DPY19L3: variants seen among roughly 807,000 people sequenced by gnomAD.
The protein encoded by DPY19L3 is protein C-mannosyl-transferase DPY19L3.
A neutral mutation model predicts 92.3 loss-of-function variants in DPY19L3; 51 were observed. The observed-to-expected ratio is 0.55, with a 90% CI of 0.44 to 0.70. The LOEUF is 0.70. Ranked by LOEUF, DPY19L3 falls within the 30% of genes least tolerant of loss-of-function variation. The pLI, the probability that DPY19L3 is intolerant of heterozygous loss-of-function variation, is 0.00. For synonymous variants in DPY19L3, 309 were observed against 315.2 expected (o/e 0.98, Z 0.21); for missense variants, 706 against 855.9 (o/e 0.82, Z 2.18).
chr19:32,432,922 G>C (rs556722641), intron 4 of DPY19L3, 116 bp downstream of exon 4: 9 of 766,680 alleles, frequency 1.2e-5, no homozygotes, highest in Non-Finnish European at 1.9e-5. Flanking sequence ...GTATTTTTCC[G>C]TGCTAATGTC....
At chr19:32,416,430 C>T (rs1391862527) in intron 3 of DPY19L3, among the ~76,000 whole-genome samples, 2 of 152,184 alleles carry the variant, frequency 1.3e-5, no homozygotes, top group African/African-American at 4.8e-5. Flanking sequence ...CAGCTCTCTA[C>T]AAAAATGCCT....
At chr19:32,425,077 C>T (rs774666019) in intron 3 of DPY19L3, among the ~76,000 whole-genome samples, 14 of 151,988 alleles carry the variant, frequency 9.2e-5, no homozygotes, top group Non-Finnish European at 1.6e-4. Context: ...CAAAAATTAA[C>T]TCAAGATGGA....
At chr19:32,467,788 A>G in intron 15 of DPY19L3, 1 of 981,668 alleles carries the variant, frequency 1.0e-6, no homozygotes, top group Non-Finnish European at 1.2e-6. Context: ...TTTTTAGTCA[A>G]CTGTCATTTG....
At position 32,424,590 on chromosome 19, in the gene DPY19L3, G is replaced by A. The variant is rs77768657; in HGVS notation, c.238-8126G>A. On this transcript the variant is annotated intron_variant, in intron 3 of 18. Transcript: ENST00000392250. Reference sequence around the variant, plus strand: ...GTCTTCAGTGAGCCAAGATCATGCCGTTGTGCTCCAGCCTGGGCAACAGAG... The same window carrying A: ...GTCTTCAGTGAGCCAAGATCATGCCATTGTGCTCCAGCCTGGGCAACAGAG... Among the ~76,000 whole-genome samples, 988 of 151,872 alleles carry A rather than the reference G, an allele frequency of 6.5e-3. 10 individuals carry two copies. Among genetic ancestry groups the A allele is most frequent in the African/African-American group, 0.023 (933 of 41,408 alleles).
chr19:32,440,697 C>T (rs1178081363), intron 8 of DPY19L3, among the ~76,000 whole-genome samples: 1 of 152,106 alleles, frequency 6.6e-6, no homozygotes, highest in Non-Finnish European at 1.5e-5. Flanking sequence ...ATGGGCACTA[C>T]AGAAAATGCC....
intron 12 of DPY19L3, among the ~76,000 whole-genome samples, chr19:32,462,368 G>A (rs1970066831): frequency 6.6e-6 from 1 of 152,162 alleles, no homozygotes; most frequent in African/African-American, 2.4e-5. Context: ...AGAATAGCAT[G>A]TAATTCAAAA....
At position 32,477,515 on chromosome 19, in the gene DPY19L3, C is replaced by A. The variant is rs750287609; in HGVS notation, c.1698-7C>A. 1.2e-6 allele frequency: 2 copies of A among 1,613,934 alleles called. No individual in the cohort carries two copies. The highest frequency in any genetic ancestry group is 2.7e-5 in the African/African-American group (2 of 74,896). ...GTGGGGTTAATTCAGACTCTAAAAT[C>A]TTTCAGCTCTAACACTCCAAGAAAG... is the stretch of plus-strand genomic sequence containing the variant. On this transcript the variant is annotated splice_polypyrimidine_tract_variant and splice_region_variant and intron_variant, in intron 16 of 18. Coordinates refer to ENST00000392250, the MANE Select transcript of DPY19L3 (RefSeq NM_001172774.2).
chr19:32,456,811 T>C (rs1348382564), intron 10 of DPY19L3, among the ~76,000 whole-genome samples: 10 of 152,060 alleles, frequency 6.6e-5, no homozygotes. Context: ...TGTCAAAATA[T>C]CTCATATACT....
At chr19:32,449,092 C>G (rs1650373424) in intron 8 of DPY19L3, among the ~76,000 whole-genome samples, 1 of 152,108 alleles carries the variant, frequency 6.6e-6, no homozygotes, top group African/African-American at 2.4e-5. Context: ...GAGTTAGTAT[C>G]CTTAAGAGTT....
intron 16 of DPY19L3, among the ~76,000 whole-genome samples, chr19:32,469,581 C>T (rs1970295517): frequency 6.6e-6 from 1 of 152,016 alleles, no homozygotes; most frequent in African/African-American, 2.4e-5. Context: ...AGTAGAGGCT[C>T]ATGACAGCTC....
chr19:32,408,264 T>TC lies in DPY19L3; in HGVS notation c.13dup (p.Arg5ProfsTer13). 6.2e-7 allele frequency: 1 copy of TC among 1,612,508 alleles called. No individual in the cohort carries two copies. Among genetic ancestry groups the TC allele is most frequent in the Non-Finnish European group, 8.5e-7 (1 of 1,179,632 alleles). ...TGTAAGTCTGACATCATGATGTCCA[T>TC]CCGGCAAAGAAGAGAAATAAGAGCC... On this transcript the variant is annotated frameshift_variant, in exon 2 of 19. Transcript: ENST00000392250. LOFTEE classifies it high-confidence loss of function.
intron 16 of DPY19L3, among the ~76,000 whole-genome samples, chr19:32,469,495 A>C (rs1243353266): frequency 1.5e-5 from 2 of 135,942 alleles, no homozygotes; most frequent in Non-Finnish European, 3.2e-5. Flanking sequence ...GACTCTCTCT[A>C]AAAAAAAAAA....
Position 32,428,315 on chromosome 19 carries a change from A to G in DPY19L3, c.238-4401A>G, listed in dbSNP as rs576739641. Among the ~76,000 whole-genome samples, 16 of 152,038 alleles carry G rather than the reference A, an allele frequency of 1.1e-4. 1 individual carries two copies. The South Asian group carries it at 3.1e-3, about 30-fold the overall frequency. ...ACGTGAGTTGTTCTTGTTTTTTTAA[A>G]CATGAGTTGTTTTGTTTTTTTTAAA... On this transcript the variant is annotated intron_variant, in intron 3 of 18. Coordinates refer to ENST00000392250, the MANE Select transcript of DPY19L3 (RefSeq NM_001172774.2).
chr19:32,468,613 G>A, intron 15 of DPY19L3, 118 bp from the exon 16 acceptor site: 3 of 1,421,780 alleles, frequency 2.1e-6, no homozygotes, highest in Non-Finnish European at 1.8e-6. Context: ...TATTCCAGTA[G>A]CTATGTTTAT....
chr19:32,413,024 ACTC>A (rs1246827690), intron 3 of DPY19L3: 2 of 151,590 alleles, frequency 1.3e-5, no homozygotes, highest in African/African-American at 4.9e-5. Context: ...CATTTCTAGA[ACTC>A]CTCTTGGCAT....
chr19:32,410,985 A>G (rs962514655), intron 2 of DPY19L3, among the ~76,000 whole-genome samples: 1 of 152,222 alleles, frequency 6.6e-6, no homozygotes, highest in Non-Finnish European at 1.5e-5. Flanking sequence ...AACATGAATA[A>G]GATAATGTAT....
intron 12 of DPY19L3, among the ~76,000 whole-genome samples, chr19:32,462,603 C>T (rs1431727408): frequency 6.6e-6 from 1 of 152,128 alleles, no homozygotes; most frequent in Non-Finnish European, 1.5e-5. Context: ...GTGAGCCACA[C>T]CTGGGAGACG....
chr19:32,464,082 T>G (rs1970127446), intron 14 of DPY19L3, 102 bp downstream of exon 14: 2 of 573,104 alleles, frequency 3.5e-6, no homozygotes, highest in East Asian at 6.0e-5. Flanking sequence ...AAATGGATAC[T>G]GAAATTGAAG....
At chr19:32,452,962 C>T (rs899039559) in intron 8 of DPY19L3, among the ~76,000 whole-genome samples, 183 bp from the exon 9 acceptor site, 5 of 151,944 alleles carry the variant, frequency 3.3e-5, no homozygotes, top group Non-Finnish European at 5.9e-5. Context: ...CCGCCTCGGC[C>T]TCCCAGAGTG....
Sources: gnomAD v4.1 joint callset for allele counts (sites outside exome capture counted in the v4.1 genomes callset) on GRCh38, gnomAD v4.1.1 for gene constraint, MANE v1.5 for transcripts, NCBI Gene and HGNC (gene_info 2026-07-23, HGNC 2026-07-21) for gene names.